UBN2: variants seen among roughly 807,000 people sequenced by gnomAD.
UBN2 encodes the protein ubinuclein-2.
Under a neutral mutation model 120.2 loss-of-function variants are expected in UBN2, and 35 were observed. The ratio of observed to expected loss-of-function variants is 0.29; its 90% CI spans 0.22 to 0.39. UBN2 has a LOEUF of 0.39. Ranked by LOEUF, UBN2 falls within the 10% of genes least tolerant of loss-of-function variation. The pLI is 1.00. For synonymous variants in UBN2, 661 were observed against 648.7 expected, an observed-to-expected ratio of 1.02 and a Z score of -0.29; for missense variants, 1,693 against 1,663.2, an observed-to-expected ratio of 1.02 and a Z score of -0.31.
At chr7:139,248,722 A>G (rs1449944838) in intron 2 of UBN2, among the ~76,000 whole-genome samples, 1 of 151,940 alleles carries the variant, frequency 6.6e-6, no homozygotes, top group African/African-American at 2.4e-5. Context: ...GTGGATTTTT[A>G]TATATTTATT....
At chr7:139,289,557 A>G (rs1008901992) in intron 15 of UBN2, among the ~76,000 whole-genome samples, 98 of 151,850 alleles carry the variant, frequency 6.5e-4, no homozygotes, top group African/African-American at 2.2e-3. Flanking sequence ...GATTACAGGC[A>G]GACGCCACCA....
chr7:139,258,786 T>G (rs1041249804), intron 4 of UBN2, among the ~76,000 whole-genome samples, 161 bp downstream of exon 4: 15 of 152,154 alleles, frequency 9.9e-5, no homozygotes, highest in Non-Finnish European at 1.5e-5. Flanking sequence ...TATGTAGATA[T>G]TGGAAAATTG....
the UBN2 span, among the ~76,000 whole-genome samples, chr7:139,315,983 A>G: frequency 6.8e-6 from 1 of 147,754 alleles, no homozygotes; most frequent in Non-Finnish European, 1.5e-5. Flanking sequence ...AGGCTGAGGC[A>G]GGAGAATCGC....
Position 139,293,397 on chromosome 7 carries a change from G to A in UBN2, c.3835G>A (p.Asp1279Asn). 3.7e-6 allele frequency: 6 copies of A among 1,614,096 alleles called. No individual in the cohort carries two copies. The highest frequency in any genetic ancestry group is 5.1e-6 in the Non-Finnish European group (6 of 1,179,990). ...CTTGGAGATATTTGGCTTTGGAACG[G>A]ACACAGCTGGAGTGACAACCACCTC... ...FPLEIFGFGTDTAGVTTTSGS... is the reference protein window; with the variant it reads ...FPLEIFGFGTNTAGVTTTSGS... The change falls in exon 16 of 18, where the codon GAC (aspartate) becomes AAC (asparagine). Residue 1279 changes from aspartate to asparagine, a missense_variant. Asp to Asn is a conservative substitution (Grantham distance 23). Transcript: ENST00000473989.
chr7:139,281,569 A>G (rs1797612447), intron 13 of UBN2, among the ~76,000 whole-genome samples: 1 of 152,124 alleles, frequency 6.6e-6, no homozygotes, highest in Admixed American at 6.5e-5. Flanking sequence ...CTTTTATATA[A>G]ATGGGATAAC....
At position 139,284,098 on chromosome 7, in the gene UBN2, C is replaced by G. The variant is rs566327922; in HGVS notation, c.3193C>G (p.Leu1065Val). The change falls in exon 15 of 18, where the codon CTG becomes GTG. Residue 1065 changes from leucine to valine, a missense_variant. Leu to Val is a conservative substitution (Grantham distance 32, BLOSUM62 1). Transcript: ENST00000473989. ...PKPSASPKPS[L>V]SAKPSVSTKL... ...GCCTTCTGCCTCACCCAAGCCCTCT[C>G]TGTCAGCTAAGCCTTCAGTATCAAC... 6.2e-7 allele frequency: 1 copy of G among 1,614,194 alleles called. No individual in the cohort carries two copies. Among genetic ancestry groups the G allele is most frequent in the South Asian group, 1.1e-5 (1 of 91,080 alleles).
rs771586636 is a variant in UBN2 at position 139,236,989 on chromosome 7, A to G, written c.469-16A>G. On this transcript the variant is annotated splice_polypyrimidine_tract_variant and intron_variant, in intron 1 of 17. Transcript: ENST00000473989. ...AATGGATACTTCTCTTTCTTTTCCC[A>G]TTCACCTTGAATCAGAAGAAGCTCA... The G allele has an allele frequency of 5.7e-6, 9 of 1,566,316 alleles. No individual in the cohort carries two copies. The highest frequency in any genetic ancestry group is 7.9e-6 in the Non-Finnish European group (9 of 1,143,696).
intron 1 of UBN2, among the ~76,000 whole-genome samples, chr7:139,236,166 G>A (rs1463990551): frequency 6.6e-6 from 1 of 152,050 alleles, no homozygotes; most frequent in Non-Finnish European, 1.5e-5. Context: ...ATTTTTGTTT[G>A]TTTTGTTAAA....
At chr7:139,314,326 G>A in the UBN2 span, among the ~76,000 whole-genome samples, 15 of 151,518 alleles carry the variant, frequency 9.9e-5, no homozygotes, top group African/African-American at 3.6e-4. Context: ...GTGGATATGG[G>A]CTCCTGTAGT....
intron 15 of UBN2, among the ~76,000 whole-genome samples, chr7:139,288,295 T>C (rs1045034036): frequency 6.6e-6 from 1 of 152,178 alleles, no homozygotes; most frequent in South Asian, 2.1e-4. Context: ...TAAAAGTGAT[T>C]GCTGCTAACG....
chr7:139,281,935 G>T, intron 13 of UBN2, 70 bp from the exon 14 acceptor site: 1 of 1,484,782 alleles, frequency 6.7e-7, no homozygotes, highest in Non-Finnish European at 9.4e-7. Context: ...TAGAGTAAAA[G>T]CTTAGAAAAA....
rs1798364299 is a variant in UBN2 at position 139,306,656 on chromosome 7, T to C, written c.*8820T>C. ...AAGATTCAAGCTTTGCACTGCCCTT[T>C]TGTTGATTGTCATTGAAAACTTACT... On this transcript the variant is annotated 3_prime_UTR_variant, in exon 18 of 18. Coordinates refer to ENST00000473989, the MANE Select transcript of UBN2 (RefSeq NM_173569.4). The C allele has an allele frequency of 6.6e-6, 1 of 152,212 alleles. No homozygotes were observed. The highest frequency in any genetic ancestry group is 1.5e-5 in the Non-Finnish European group (1 of 68,038). 9.4% of individuals were successfully genotyped at this position (152,212 alleles called of 1,614,324 possible).
downstream of UBN2, among the ~76,000 whole-genome samples, chr7:139,309,693 A>G (rs373200377): frequency 3.3e-4 from 51 of 152,298 alleles, 1 homozygote; most frequent in South Asian, 1.0e-2. Flanking sequence ...CAACATGGAG[A>G]AACCCCGTCT....
intron 12 of UBN2, chr7:139,277,063 A>C (rs1250061547): frequency 6.6e-6 from 1 of 151,732 alleles, no homozygotes; most frequent in African/African-American, 2.4e-5. Context: ...CCTTGTTTCC[A>C]GAAAAAAAAA....
the UBN2 span, among the ~76,000 whole-genome samples, chr7:139,314,661 T>C: frequency 1.3e-5 from 2 of 151,764 alleles, no homozygotes; most frequent in African/African-American, 4.8e-5. Context: ...AATTTTTGTA[T>C]TTTTAGTAGA....
At chr7:139,273,253 T>C (rs757645575) in intron 9 of UBN2, 44 bp from the exon 10 acceptor site, 1 of 1,328,060 alleles carries the variant, frequency 7.5e-7, no homozygotes, top group Non-Finnish European at 1.1e-6. Flanking sequence ...ATATAGGCAG[T>C]GTTGGGTTAA....
chr7:139,273,275 G>A (rs1410612073), intron 9 of UBN2, 22 bp from the exon 10 acceptor site: 8 of 1,563,612 alleles, frequency 5.1e-6, no homozygotes, highest in Non-Finnish European at 7.0e-6. Flanking sequence ...AGTTTGTTTT[G>A]TAAAGTGTTT....
Position 139,283,342 on chromosome 7 carries a change from C to T in UBN2, c.2437C>T (p.Leu813=), listed in dbSNP as rs1797672248. ...EEKLASIMSK[L]PLATPKKLDS... is the part of the protein sequence containing the mutation. ...AAAATTAGCAAGTATCATGAGTAAG[C>T]TGCCACTAGCTACTCCCAAAAAACT... is the stretch of plus-strand genomic sequence containing the variant. Residue 813 remains leucine, a synonymous_variant, in exon 15 of 18, where the codon CTG becomes TTG. Transcript: ENST00000473989. 6 of 1,613,934 alleles carry T rather than the reference C, an allele frequency of 3.7e-6. No individual in the cohort carries two copies. Among genetic ancestry groups the T allele is most frequent in the African/African-American group, 1.3e-5 (1 of 74,942 alleles).
In UBN2 at chr7:139,305,713, T is replaced by TA. The variant is rs1296226828; in HGVS notation, c.*7878dup. 1 of 152,208 alleles carries TA rather than the reference T, an allele frequency of 6.6e-6. No homozygotes were observed. Among genetic ancestry groups the TA allele is most frequent in the Non-Finnish European group, 1.5e-5 (1 of 68,024 alleles). The allele number at this position is 152,208 out of a possible 1,614,324, so 9.4% of individuals were successfully genotyped here. A position where few individuals can be genotyped will look rare whatever the true frequency, so the allele number is the denominator to read the frequency against. The stretch of plus-strand genomic sequence containing the variant: ...TATTAGGGTCTCTGTGTCTAGGACT[T>TA]ACAGTCATCAGTGGTCATCACTGGG... On this transcript the variant is annotated 3_prime_UTR_variant, in exon 18 of 18. Transcript: ENST00000473989.
Sources: gnomAD v4.1 joint callset for allele counts (sites outside exome capture counted in the v4.1 genomes callset) on GRCh38, gnomAD v4.1.1 for gene constraint, MANE v1.5 for transcripts, NCBI Gene and HGNC (gene_info 2026-07-23, HGNC 2026-07-21) for gene names.